Variants in RIMS1 observed in about 807,000 individuals in gnomAD.
RIMS1 encodes regulating synaptic membrane exocytosis 1, also known as regulating synaptic membrane exocytosis protein 1.
In RIMS1, 83 loss-of-function variants were observed where a neutral mutation model predicts 214.1. The observed-to-expected ratio is 0.39, with a 90% CI of 0.32 to 0.47. The LOEUF is 0.47. RIMS1 is among the 20% of genes least tolerant of loss of function. RIMS1 has a pLI of 0.99. For synonymous variants in RIMS1, 793 were observed against 786.8 expected (o/e 1.01, Z -0.13); for missense variants, 2,050 against 2,161.8 (o/e 0.95, Z 1.03).
At chr6:71,909,049 G>A (rs1776133445) in intron 1 of RIMS1, among the ~76,000 whole-genome samples, 1 of 152,070 alleles carries the variant, frequency 6.6e-6, no homozygotes, top group South Asian at 2.1e-4. Context: ...GAGTGCAGTG[G>A]CACAATCTTG....
In RIMS1 at chr6:72,096,931, ATTTTCTC is replaced by A. The variant is rs1427832931; in HGVS notation, c.246-13_246-7del. ...TCCACTATTTACTTAGTTTGCTACC[ATTTTCTC>A]TTTTGCCTAGGAGATTGCATCAACA... On this transcript the variant is annotated splice_polypyrimidine_tract_variant and intron_variant, in intron 2 of 33. Coordinates refer to ENST00000521978, the MANE Select transcript of RIMS1 (RefSeq NM_014989.7). 6.2e-7 allele frequency: 1 copy of A among 1,601,430 alleles called. No individual in the cohort carries two copies. Among genetic ancestry groups the A allele is most frequent in the African/African-American group, 1.3e-5 (1 of 74,704 alleles).
In RIMS1 at chr6:72,263,812, C is replaced by A. The variant is rs867072408; in HGVS notation, c.3117-1163C>A. ...AACCCCGTCTCTACTAAAACACACA[C>A]ACACACACACACACACACACACACA... On this transcript the variant is annotated intron_variant, in intron 19 of 33. Transcript: ENST00000521978. 50 of 213,958 alleles carry A rather than the reference C, an allele frequency of 2.3e-4. 1 individual carries two copies. Among genetic ancestry groups the A allele is most frequent in the Middle Eastern group, 2.4e-3 (1 of 414 alleles). The allele number at this position is 213,958 out of a possible 1,614,324, so 13.3% of individuals were successfully genotyped here.
At chr6:72,335,921 T>G (rs2096829065) in intron 29 of RIMS1, among the ~76,000 whole-genome samples, 1 of 152,012 alleles carries the variant, frequency 6.6e-6, no homozygotes, top group East Asian at 1.9e-4. Context: ...ATGATGGGGT[T>G]GTTCTTCTCT....
intron 26 of RIMS1, among the ~76,000 whole-genome samples, chr6:72,304,862 G>A (rs959482034): frequency 6.6e-6 from 1 of 151,928 alleles, no homozygotes; most frequent in African/African-American, 2.4e-5. Context: ...GTTGGAATCC[G>A]AGAGCAAGAG....
In RIMS1 at chr6:72,265,949, A is replaced by G; in HGVS notation, c.3309-11A>G. On this transcript the variant is annotated splice_polypyrimidine_tract_variant and intron_variant, in intron 21 of 33. Transcript: ENST00000521978. Reference sequence around the variant, plus strand: ...TCTCTTCTACCACTGGATGCAATGCACTGGCACTAGTGAACTGCAGCCCTT... The same window carrying G: ...TCTCTTCTACCACTGGATGCAATGCGCTGGCACTAGTGAACTGCAGCCCTT... The G allele has an allele frequency of 1.9e-6, 3 of 1,554,110 alleles. No homozygotes were observed. Among genetic ancestry groups the G allele is most frequent in the Non-Finnish European group, 2.6e-6 (3 of 1,144,828 alleles).
intron 2 of RIMS1, among the ~76,000 whole-genome samples, chr6:71,984,070 G>A (rs974679731): frequency 1.3e-5 from 2 of 152,072 alleles, no homozygotes; most frequent in African/African-American, 4.8e-5. Context: ...ATTGATTTAT[G>A]TATAATCAAT....
At chr6:72,018,267 A>G (rs1459578370) in intron 2 of RIMS1, among the ~76,000 whole-genome samples, 1 of 152,204 alleles carries the variant, frequency 6.6e-6, no homozygotes, top group Admixed American at 6.5e-5. Context: ...ATTTCCTGAC[A>G]GATAAAATAT....
At chr6:72,318,929 T>G (rs978605179) in intron 28 of RIMS1, among the ~76,000 whole-genome samples, 5 of 152,204 alleles carry the variant, frequency 3.3e-5, no homozygotes, top group African/African-American at 1.2e-4. Flanking sequence ...TCATAATTAC[T>G]AGGCATTTGG....
chr6:72,235,783 A>G, intron 8 of RIMS1, 55 bp downstream of exon 8: 1 of 937,894 alleles, frequency 1.1e-6, no homozygotes, highest in Non-Finnish European at 1.5e-6. Flanking sequence ...TATGGTCTGC[A>G]TTCATCGGAG....
At chr6:71,992,472 T>TCTTC (rs761114682) in intron 2 of RIMS1, among the ~76,000 whole-genome samples, 1 of 145,690 alleles carries the variant, frequency 6.9e-6, no homozygotes, top group Non-Finnish European at 1.5e-5. Context: ...CTTTCTCCTT[T>TCTTC]CTTCCTTCCT....
intron 2 of RIMS1, among the ~76,000 whole-genome samples, chr6:72,040,317 C>G (rs482736): frequency 0.78 from 118,952 of 151,948 alleles, 47,369 homozygotes; most frequent in African/African-American, 0.94. Flanking sequence ...GTTGTTTGGA[C>G]CTAAAGTGAA....
Position 72,401,799 on chromosome 6 carries a change from G to T in RIMS1, c.*1085G>T, listed in dbSNP as rs191127151. On this transcript the variant is annotated 3_prime_UTR_variant, in exon 34 of 34. Coordinates refer to ENST00000521978, the MANE Select transcript of RIMS1 (RefSeq NM_014989.7). ...CTGCCCTGGAAAGAGCATGGTATGA[G>T]CTGTTCAATATTCCACTGGAAATTC... 6.5e-6 allele frequency: 1 copy of T among 152,754 alleles called. No individual in the cohort carries two copies. The highest frequency in any genetic ancestry group is 6.5e-5 in the Admixed American group (1 of 15,298). 9.5% of individuals were successfully genotyped at this position (152,754 alleles called of 1,614,324 possible). A position where few individuals can be genotyped will look rare whatever the true frequency, so the allele number is the denominator to read the frequency against.
chr6:72,261,989 T>C (rs1188877532), intron 19 of RIMS1: 2 of 984,568 alleles, frequency 2.0e-6, no homozygotes, highest in African/African-American at 3.5e-5. Context: ...ATGGTTTATT[T>C]ACTAATTCTG....
At chr6:72,156,687 C>A (rs1588200971) in intron 4 of RIMS1, among the ~76,000 whole-genome samples, 1 of 139,972 alleles carries the variant, frequency 7.1e-6, no homozygotes, top group East Asian at 2.0e-4. Context: ...ATGTTGATAC[C>A]TTGATTGTGG....
chr6:72,286,733 C>T (rs184291810), intron 24 of RIMS1, among the ~76,000 whole-genome samples: 1 of 152,078 alleles, frequency 6.6e-6, no homozygotes, highest in Admixed American at 6.5e-5. Flanking sequence ...ACCGAAGACA[C>T]AGTATAAATG....
chr6:72,281,934 A>G (rs1021098856), intron 23 of RIMS1, among the ~76,000 whole-genome samples: 1 of 152,118 alleles, frequency 6.6e-6, no homozygotes, highest in Non-Finnish European at 1.5e-5. Context: ...AACAAAGTGT[A>G]CATTTCTTGA....
At chr6:72,024,188 T>G (rs928738050) in intron 2 of RIMS1, among the ~76,000 whole-genome samples, 3 of 152,170 alleles carry the variant, frequency 2.0e-5, no homozygotes, top group African/African-American at 7.2e-5. Context: ...TGGTTTTTTA[T>G]TTTATTTTCT....
chr6:72,192,743 C>T (rs1287987363), intron 6 of RIMS1, among the ~76,000 whole-genome samples: 1 of 152,134 alleles, frequency 6.6e-6, no homozygotes, highest in Non-Finnish European at 1.5e-5. Context: ...GCTCCTGCCA[C>T]CTTAGTATCT....
intron 4 of RIMS1, among the ~76,000 whole-genome samples, chr6:72,150,010 C>T (rs1274568753): frequency 6.6e-6 from 1 of 152,094 alleles, no homozygotes; most frequent in East Asian, 1.9e-4. Flanking sequence ...AATGAGGTTA[C>T]ACTGACAATC....
Sources: gnomAD v4.1 joint callset for allele counts (sites outside exome capture counted in the v4.1 genomes callset) on GRCh38, gnomAD v4.1.1 for gene constraint, MANE v1.5 for transcripts, NCBI Gene and HGNC (gene_info 2026-07-23, HGNC 2026-07-21) for gene names.